The following ANK1 variants were observed in gnomAD, a reference collection of about 807,000 sequenced individuals.
ANK1 encodes the protein ankyrin-1.
Under a neutral mutation model 210.4 loss-of-function variants are expected in ANK1, and 51 were observed. The ratio of observed to expected loss-of-function variants is 0.24; its 90% CI spans 0.19 to 0.31. The LOEUF is 0.31. Among genes scored for constraint, ANK1 ranks in the 10% least tolerant of loss-of-function variants. The pLI, the probability that ANK1 is intolerant of heterozygous loss-of-function variation, is 1.00. For missense variants in ANK1, 2,051 were observed against 2,504.4 expected (o/e 0.82, Z 3.86); for synonymous variants, 967 against 1,025.9 (o/e 0.94, Z 1.10).
intron 37 of ANK1, among the ~76,000 whole-genome samples, chr8:41,673,969 G>T (rs1040988075): frequency 3.9e-5 from 6 of 152,146 alleles, no homozygotes; most frequent in African/African-American, 1.4e-4. Context: ...TCCTGCCATC[G>T]AGAGATGTCC....
chr8:41,768,686 G>A (rs1842375512), intron 1 of ANK1, among the ~76,000 whole-genome samples: 1 of 152,150 alleles, frequency 6.6e-6, no homozygotes, highest in Non-Finnish European at 1.5e-5. Flanking sequence ...ATAATGTGGG[G>A]GATGATCTTG....
intron 38 of ANK1, among the ~76,000 whole-genome samples, chr8:41,669,741 GCC>G (rs1811679676): frequency 6.6e-6 from 1 of 152,052 alleles, no homozygotes; most frequent in South Asian, 2.1e-4. Flanking sequence ...TCTCAGCACG[GCC>G]ACCGCTGCCG....
intron 1 of ANK1, among the ~76,000 whole-genome samples, chr8:41,787,220 A>G (rs2150755222): frequency 6.6e-6 from 1 of 152,380 alleles, no homozygotes; most frequent in South Asian, 2.1e-4. Flanking sequence ...GCTGGAGGCC[A>G]GTGGAGACGA....
chr8:41,847,054 T>A (rs1038257757), intron 1 of ANK1, among the ~76,000 whole-genome samples: 1 of 152,232 alleles, frequency 6.6e-6, no homozygotes, highest in Non-Finnish European at 1.5e-5. Context: ...CTTTCTCACC[T>A]TCCAGTGAAG....
Position 41,694,890 on chromosome 8 carries a change from A to T in ANK1, c.3116-87T>A, listed in dbSNP as rs1346380489. On this transcript the variant is annotated intron_variant, in intron 27 of 42. Transcript: ENST00000289734. This position sits in a 1 kb window ranked among gnomAD's most constrained non-coding sequence, Gnocchi z 5.7. The stretch of plus-strand genomic sequence containing the variant: ...GGGCCCCAGAGTCTCCTTGTCCCCA[A>T]GACCCAGTGCACACACCCTCCCCAG... 1 of 1,387,504 alleles carries T rather than the reference A, an allele frequency of 7.2e-7. No homozygotes were observed. Among genetic ancestry groups the T allele is most frequent in the Non-Finnish European group, 1.0e-6 (1 of 990,944 alleles). The allele number at this position is 1,387,504 out of a possible 1,614,324, so 85.9% of individuals were successfully genotyped here. A position where few individuals can be genotyped will look rare whatever the true frequency, so the allele number is the denominator to read the frequency against.
chr8:41,715,869 CAAAG>C lies in ANK1; in HGVS notation c.1405-24_1405-21del. ...GTCATCCTGGACCCCGAAGGGAAAA[CAAAG>C]AAGAAGAAACGCTAATGTTACCAAA... On this transcript the variant is annotated intron_variant, in intron 13 of 42. Coordinates refer to ENST00000289734, the MANE Select transcript of ANK1 (RefSeq NM_000037.4). 1 of 1,614,058 alleles carries C rather than the reference CAAAG, an allele frequency of 6.2e-7. No individual in the cohort carries two copies. Among genetic ancestry groups the C allele is most frequent in the African/African-American group, 1.3e-5 (1 of 75,044 alleles).
At chr8:41,665,226 A>C in intron 39 of ANK1, 3 of 1,521,044 alleles carry the variant, frequency 2.0e-6, no homozygotes, top group Non-Finnish European at 8.8e-7. Flanking sequence ...CGGCTGAAGC[A>C]GCCCGGCCCA....
At chr8:41,757,945 G>C in intron 2 of ANK1, 91 bp downstream of exon 2, 6 of 1,192,234 alleles carry the variant, frequency 5.0e-6, no homozygotes, top group South Asian at 1.2e-5. Context: ...ACTGAGAAAA[G>C]GTTAATAGAG....
At chr8:41,706,953 A>G (rs1458097426) in intron 17 of ANK1, among the ~76,000 whole-genome samples, 1 of 152,130 alleles carries the variant, frequency 6.6e-6, no homozygotes, top group East Asian at 1.9e-4. Context: ...TACAAAAATA[A>G]GCAGGGCGTG....
At chr8:41,782,040 T>C (rs1845445125) in intron 1 of ANK1, among the ~76,000 whole-genome samples, 1 of 152,144 alleles carries the variant, frequency 6.6e-6, no homozygotes, top group Admixed American at 6.5e-5. Context: ...AACTGGGATT[T>C]TTAAAGGCTA....
At chr8:41,893,088 G>A (rs1819755449) in intron 1 of ANK1, among the ~76,000 whole-genome samples, 1 of 152,094 alleles carries the variant, frequency 6.6e-6, no homozygotes, top group Admixed American at 6.6e-5. Flanking sequence ...TCTATCCTCT[G>A]CTTCACTTTT....
At chr8:41,664,062 A>C (rs1247455136) in intron 39 of ANK1, 1 of 517,654 alleles carries the variant, frequency 1.9e-6, no homozygotes, top group East Asian at 5.0e-5. Context: ...AGAGGAAGTG[A>C]GGCACCTGTT....
chr8:41,795,885 A>C (rs977278006), intron 1 of ANK1, among the ~76,000 whole-genome samples: 23 of 152,230 alleles, frequency 1.5e-4, no homozygotes, highest in African/African-American at 1.2e-4. Context: ...TACCGTGTAC[A>C]TTTCAAAGTT....
chr8:41,668,149 T>C (rs1811137856), intron 39 of ANK1, 118 bp downstream of exon 39: 2 of 1,418,930 alleles, frequency 1.4e-6, no homozygotes, highest in Admixed American at 1.7e-5. Flanking sequence ...ACCACAAGTG[T>C]TAAAGGAAGG....
At chr8:41,818,987 A>G (rs1803767558) in intron 1 of ANK1, among the ~76,000 whole-genome samples, 1 of 152,218 alleles carries the variant, frequency 6.6e-6, no homozygotes, top group Admixed American at 6.5e-5. Flanking sequence ...AAAGGTAACA[A>G]AGCAATATGG....
chr8:41,879,948 G>A (rs1021342612), intron 1 of ANK1, among the ~76,000 whole-genome samples: 5 of 152,138 alleles, frequency 3.3e-5, no homozygotes, highest in African/African-American at 4.8e-5. Context: ...TTCAACCAAC[G>A]AGTCGTGGGA....
chr8:41,808,287 G>A (rs987617120), intron 1 of ANK1, among the ~76,000 whole-genome samples: 1 of 152,196 alleles, frequency 6.6e-6, no homozygotes, highest in Non-Finnish European at 1.5e-5. Context: ...ACAGCTCCTT[G>A]TCTAGAGAAA....
intron 1 of ANK1, among the ~76,000 whole-genome samples, chr8:41,852,352 G>T (rs576254972): frequency 2.0e-5 from 3 of 152,226 alleles, no homozygotes; most frequent in African/African-American, 7.2e-5. Context: ...CCGAAGCGGG[G>T]TGTGAAAACT....
Position 41,655,639 on chromosome 8 carries a change from A to C in ANK1, c.*151T>G. The C allele has an allele frequency of 6.6e-7, 1 of 1,511,834 alleles. No homozygotes were observed. The highest frequency in any genetic ancestry group is 1.1e-5 in the South Asian group (1 of 88,334). The allele number at this position is 1,511,834 out of a possible 1,614,324, so 93.7% of individuals were successfully genotyped here. A position where few individuals can be genotyped will look rare whatever the true frequency, so the allele number is the denominator to read the frequency against. ...CTAGCAGGAGTCCCTTACAGAGGTCATGCCGTCAGCCCAGAGGAATGTGTG... is the reference window on the plus strand; with the variant it reads ...CTAGCAGGAGTCCCTTACAGAGGTCCTGCCGTCAGCCCAGAGGAATGTGTG... On this transcript the variant is annotated 3_prime_UTR_variant, in exon 43 of 43. Coordinates refer to ENST00000289734, the MANE Select transcript of ANK1 (RefSeq NM_000037.4).
Sources: gnomAD v4.1 joint callset for allele counts (sites outside exome capture counted in the v4.1 genomes callset) on GRCh38, gnomAD v4.1.1 for gene constraint, Gnocchi (gnomAD v3.1) non-coding constraint, MANE v1.5 for transcripts, NCBI Gene and HGNC (gene_info 2026-07-23, HGNC 2026-07-21) for gene names.